Variants in ZNRF2 observed in about 807,000 individuals in gnomAD.
ZNRF2 encodes E3 ubiquitin-protein ligase ZNRF2.
A neutral mutation model predicts 20.4 loss-of-function variants in ZNRF2; 16 were observed. The observed-to-expected ratio is 0.79, with a 90% CI of 0.53 to 1.19. The LOEUF (loss-of-function observed/expected upper bound fraction) is 1.19, where lower values mean the gene tolerates loss of function less well. ZNRF2 is among the 50% of genes most tolerant of loss of function. The probability of loss-of-function intolerance (pLI) is 0.00; values close to 1 mark genes in which losing one functional copy is unlikely to be tolerated. For missense variants in ZNRF2, 363 were observed against 332.4 expected (o/e 1.09, Z -0.72); for synonymous variants, 178 against 144.9 (o/e 1.23, Z -1.64).
intron 1 of ZNRF2, among the ~76,000 whole-genome samples, chr7:30,321,080 G>A (rs572264370): frequency 4.1e-4 from 63 of 152,174 alleles, no homozygotes; most frequent in African/African-American, 1.4e-3. Context: ...TTCCCTGCCC[G>A]TTGCCGTGCC....
At chr7:30,326,824 C>T (rs543841864) in intron 2 of ZNRF2, among the ~76,000 whole-genome samples, 4 of 152,042 alleles carry the variant, frequency 2.6e-5, no homozygotes, top group South Asian at 2.1e-4. Context: ...TTTAATAATA[C>T]GCATTCTGAC....
At chr7:30,363,236 C>A (rs1286106117) in intron 4 of ZNRF2, among the ~76,000 whole-genome samples, 2 of 152,162 alleles carry the variant, frequency 1.3e-5, no homozygotes, top group Non-Finnish European at 2.9e-5. Flanking sequence ...GTCTCAAAAA[C>A]AACCAAACCA....
At position 30,307,338 on chromosome 7, in the gene ZNRF2, T is replaced by G. The variant is rs563933931; in HGVS notation, c.470-16304T>G. On this transcript the variant is annotated intron_variant, in intron 1 of 4. Coordinates refer to ENST00000323037, the MANE Select transcript of ZNRF2 (RefSeq NM_147128.4). ...GCTGTTTTTTTTTGTTTTTTTTTTT[T>G]TTTTTTTTTTTTGGCTGGGGGTGGA... 4.3e-4 allele frequency among the ~76,000 whole-genome samples: 62 copies of G among 142,926 alleles called. 1 individual carries two copies. The highest frequency in any genetic ancestry group is 1.1e-3 in the African/African-American group (43 of 39,414). The allele number at this position is 142,926 out of a possible 152,430, so 93.8% of individuals were successfully genotyped here. A position where few individuals can be genotyped will look rare whatever the true frequency, so the allele number is the denominator to read the frequency against.
At chr7:30,328,751 T>A (rs1449750016) in intron 2 of ZNRF2, among the ~76,000 whole-genome samples, 1 of 152,172 alleles carries the variant, frequency 6.6e-6, no homozygotes. Flanking sequence ...AAGAAGAAAT[T>A]GGCTGACTAG....
At chr7:30,291,266 T>A (rs576853533) in intron 1 of ZNRF2, among the ~76,000 whole-genome samples, 142 of 152,236 alleles carry the variant, frequency 9.3e-4, no homozygotes, top group Non-Finnish European at 1.8e-3. Flanking sequence ...AAAGATTTTA[T>A]AGTGCTGTAG....
intron 3 of ZNRF2, among the ~76,000 whole-genome samples, chr7:30,356,229 C>A (rs1404500536): frequency 6.6e-6 from 1 of 151,846 alleles, no homozygotes; most frequent in African/African-American, 2.4e-5. Flanking sequence ...CAAAACCTGT[C>A]TGCTTTCTCA....
chr7:30,285,232 T>A lies in ZNRF2; in HGVS notation c.-126T>A, dbSNP rs1360893110. ...CCCTCTGGACGCCGGGCGGCGGCCC[T>A]GGACGTGCGGGGGCCTCTCTGGGCC... On this transcript the variant is annotated 5_prime_UTR_variant, in exon 1 of 5. Coordinates refer to ENST00000323037, the MANE Select transcript of ZNRF2 (RefSeq NM_147128.4). The A allele has an allele frequency of 1.4e-6, 1 of 715,024 alleles. No individual in the cohort carries two copies. The highest frequency in any genetic ancestry group is 2.0e-5 in the African/African-American group (1 of 50,298). The allele number at this position is 715,024 out of a possible 1,614,324, so 44.3% of individuals were successfully genotyped here.
chr7:30,329,470 A>C (rs1438298248), intron 2 of ZNRF2, among the ~76,000 whole-genome samples: 1 of 152,132 alleles, frequency 6.6e-6, no homozygotes, highest in Non-Finnish European at 1.5e-5. Flanking sequence ...GCCTCTGGTA[A>C]CCATCATTCT....
chr7:30,320,079 A>G (rs1026560982), intron 1 of ZNRF2, among the ~76,000 whole-genome samples: 4 of 151,926 alleles, frequency 2.6e-5, no homozygotes, highest in Non-Finnish European at 5.9e-5. Context: ...CTTTGTTTTG[A>G]TTCATCTGTT....
intron 1 of ZNRF2, among the ~76,000 whole-genome samples, chr7:30,296,065 A>G (rs1482505501): frequency 6.6e-6 from 1 of 152,222 alleles, no homozygotes; most frequent in Non-Finnish European, 1.5e-5. Flanking sequence ...TAAATATTGA[A>G]TGTTTCCCAA....
At position 30,311,941 on chromosome 7, in the gene ZNRF2, T is replaced by TA. The variant is rs1799298535; in HGVS notation, c.470-11693dup. The stretch of plus-strand genomic sequence containing the variant: ...ACCTGTTGATTTGCCATGGTGGCTG[T>TA]AAAAAAAATTAGATTATTGACAATA... On this transcript the variant is annotated intron_variant, in intron 1 of 4. Transcript: ENST00000323037. 2.0e-5 allele frequency among the ~76,000 whole-genome samples: 3 copies of TA among 152,098 alleles called. No homozygotes were observed. The South Asian group carries it at 6.2e-4, about 32-fold the overall frequency.
intron 4 of ZNRF2, among the ~76,000 whole-genome samples, chr7:30,365,462 T>C (rs1017093206): frequency 9.2e-5 from 14 of 151,940 alleles, no homozygotes; most frequent in African/African-American, 3.4e-4. Context: ...ACCAATGGAG[T>C]CTGCTTCTGT....
chr7:30,295,527 TG>T (rs1171249540), intron 1 of ZNRF2, among the ~76,000 whole-genome samples: 5 of 152,098 alleles, frequency 3.3e-5, no homozygotes, highest in Admixed American at 3.3e-4. Context: ...CTGGGCAACA[TG>T]GTGAAACCCA....
intron 2 of ZNRF2, among the ~76,000 whole-genome samples, chr7:30,339,842 A>C (rs1018648787): frequency 1.3e-5 from 2 of 152,104 alleles, no homozygotes; most frequent in African/African-American, 4.8e-5. Context: ...TGACTCTATA[A>C]ATTACTTTGG....
chr7:30,298,509 G>A (rs973752635), intron 1 of ZNRF2, among the ~76,000 whole-genome samples: 1 of 152,176 alleles, frequency 6.6e-6, no homozygotes, highest in African/African-American at 2.4e-5. Context: ...ATATTTTCCA[G>A]AAATGGCTTT....
At chr7:30,340,340 A>G (rs1008828300) in intron 2 of ZNRF2, among the ~76,000 whole-genome samples, 12 of 152,224 alleles carry the variant, frequency 7.9e-5, no homozygotes, top group African/African-American at 1.4e-4. Flanking sequence ...TTCAAAGGGA[A>G]TGCTTCCAGC....
intron 2 of ZNRF2, among the ~76,000 whole-genome samples, chr7:30,352,770 G>T (rs1204895492): frequency 6.6e-6 from 1 of 151,934 alleles, no homozygotes. Flanking sequence ...TAATCCCTGT[G>T]GGTGTTATCT....
intron 2 of ZNRF2, among the ~76,000 whole-genome samples, chr7:30,340,544 T>G (rs919805533): frequency 1.3e-5 from 2 of 152,046 alleles, no homozygotes; most frequent in African/African-American, 4.8e-5. Flanking sequence ...GTACATTTAT[T>G]GATTTGTGTA....
At chr7:30,290,870 T>G (rs985370425) in intron 1 of ZNRF2, among the ~76,000 whole-genome samples, 1 of 152,228 alleles carries the variant, frequency 6.6e-6, no homozygotes, top group Non-Finnish European at 1.5e-5. Context: ...ACTTAACCCC[T>G]TTTAGGGGCT....
Sources: gnomAD v4.1 joint callset for allele counts (sites outside exome capture counted in the v4.1 genomes callset) on GRCh38, gnomAD v4.1.1 for gene constraint, MANE v1.5 for transcripts, NCBI Gene and HGNC (gene_info 2026-07-23, HGNC 2026-07-21) for gene names.